The following NFE2L2 variants were observed in gnomAD, a reference collection of about 807,000 sequenced individuals.
The protein encoded by NFE2L2 is nuclear factor erythroid 2-related factor 2.
In NFE2L2, 20 loss-of-function variants were observed where a neutral mutation model predicts 49.6. That is an observed-to-expected ratio of 0.40 (90% CI 0.28 to 0.59). The LOEUF is 0.59. NFE2L2 is among the 20% of genes least tolerant of loss of function. NFE2L2 has a pLI of 0.40. For synonymous variants in NFE2L2, 244 were observed against 256.5 expected, an observed-to-expected ratio of 0.95 and a Z score of 0.47; for missense variants, 578 against 714.2, an observed-to-expected ratio of 0.81 and a Z score of 2.17.
At position 177,231,831 on chromosome 2, in the gene NFE2L2, G is replaced by C. The variant is rs1253249313; in HGVS notation, c.772C>G (p.Leu258Val). 1 of 1,614,170 alleles carries C rather than the reference G, an allele frequency of 6.2e-7. No individual in the cohort carries two copies. The highest frequency in any genetic ancestry group is 1.1e-5 in the South Asian group (1 of 91,080). Residue 258 changes from leucine (L) to valine (V), a missense_variant, in exon 5 of 5, where the codon CTC becomes GTC. By Grantham distance (32) the Leu-to-Val change is conservative (BLOSUM62 1). Around this residue, in one of 3 missense-constraint regions of NFE2L2, gnomAD observed 368 missense variants for 384.6 expected, o/e 0.96. Coordinates refer to ENST00000397062, the MANE Select transcript of NFE2L2 (RefSeq NM_006164.5). ...AACTGGTTGGGGTCTTCTGTGGAGA[G>C]GATGCTGCTGAAGGAATCCTCAAAA... ...NAFEDSFSSI[L>V]STEDPNQLTV...
chr2:177,262,801 T>C (rs1690786953), intron 1 of NFE2L2, among the ~76,000 whole-genome samples: 2 of 152,336 alleles, frequency 1.3e-5, no homozygotes, highest in East Asian at 1.9e-4. Context: ...TTTTATCATA[T>C]ATCCTTCAGT....
chr2:177,255,521 C>A (rs559867294), intron 1 of NFE2L2, among the ~76,000 whole-genome samples: 2 of 152,282 alleles, frequency 1.3e-5, no homozygotes, highest in African/African-American at 4.8e-5. Context: ...CTGCAGCTGA[C>A]ACAAAGTAAA....
chr2:177,263,178 T>G (rs530743078), intron 1 of NFE2L2, among the ~76,000 whole-genome samples: 2 of 152,388 alleles, frequency 1.3e-5, no homozygotes, highest in South Asian at 4.1e-4. Context: ...AGAAACTTCT[T>G]TTCACTTTTA....
intron 1 of NFE2L2, chr2:177,263,511 C>G: frequency 1.0e-6 from 1 of 985,532 alleles, no homozygotes; most frequent in Non-Finnish European, 1.2e-6. Flanking sequence ...AATTGCGCAA[C>G]AGATCAACAG....
intron 1 of NFE2L2, among the ~76,000 whole-genome samples, chr2:177,249,623 A>G (rs1690262116): frequency 6.6e-6 from 1 of 152,216 alleles, no homozygotes; most frequent in Non-Finnish European, 1.5e-5. Context: ...ACAAAAAAAT[A>G]AACAAGTGAA....
chr2:177,257,668 G>A (rs1690575720), intron 1 of NFE2L2, among the ~76,000 whole-genome samples: 1 of 152,216 alleles, frequency 6.6e-6, no homozygotes, highest in Admixed American at 6.5e-5. Flanking sequence ...TGGCTGCGGA[G>A]GGGTCAGTGG....
chr2:177,246,066 A>G (rs1307927731), intron 1 of NFE2L2, among the ~76,000 whole-genome samples: 1 of 152,196 alleles, frequency 6.6e-6, no homozygotes, highest in Non-Finnish European at 1.5e-5. Flanking sequence ...TGTTCACACC[A>G]CAACAGACAC....
chr2:177,233,699 T>C (rs1265326510), intron 2 of NFE2L2: 3 of 521,774 alleles, frequency 5.7e-6, no homozygotes, highest in African/African-American at 3.8e-5. Flanking sequence ...TCCCTGCTAC[T>C]TGGTTCTCCT....
chr2:177,230,548 AC>A lies in NFE2L2; in HGVS notation c.*236del, dbSNP rs1357767130. Reference sequence around the variant, plus strand: ...ATAAGTTTTTGTAGTATTTACACTTACACAGAAACTAGCCCAAATGGTGTCC... The same window carrying A: ...ATAAGTTTTTGTAGTATTTACACTTAACAGAAACTAGCCCAAATGGTGTCC... On this transcript the variant is annotated 3_prime_UTR_variant, in exon 5 of 5. Coordinates refer to ENST00000397062, the MANE Select transcript of NFE2L2 (RefSeq NM_006164.5). 4.6e-6 allele frequency: 2 copies of A among 439,130 alleles called. No homozygotes were observed. The highest frequency in any genetic ancestry group is 7.9e-6 in the Non-Finnish European group (2 of 252,586). The allele number at this position is 439,130 out of a possible 1,614,324, so 27.2% of individuals were successfully genotyped here.
intron 1 of NFE2L2, 117 bp downstream of exon 1, chr2:177,264,415 T>C: frequency 9.0e-7 from 1 of 1,117,154 alleles, no homozygotes; most frequent in African/African-American, 1.6e-5. Context: ...GCCGCGGTCC[T>C]GGCTCTGGCC....
chr2:177,232,054 T>C (rs1215998956), intron 4 of NFE2L2, 46 bp from the exon 5 acceptor site: 2 of 1,498,190 alleles, frequency 1.3e-6, no homozygotes, highest in Admixed American at 2.2e-5. Context: ...AGTTAATCCA[T>C]GATAATACGT....
intron 1 of NFE2L2, among the ~76,000 whole-genome samples, chr2:177,249,219 T>G (rs1690247019): frequency 1.5e-5 from 2 of 132,848 alleles, no homozygotes; most frequent in South Asian, 4.4e-4. Flanking sequence ...CCGGTCTCCA[T>G]AAATAAATAA....
chr2:177,258,893 T>C (rs1008148128), intron 1 of NFE2L2, among the ~76,000 whole-genome samples: 1 of 152,238 alleles, frequency 6.6e-6, no homozygotes, highest in Non-Finnish European at 1.5e-5. Flanking sequence ...AAAGTCTCAG[T>C]TCTCACCTTA....
chr2:177,230,468 T>A lies in NFE2L2; in HGVS notation c.*317A>T, dbSNP rs1689499293. 1 of 261,726 alleles carries A rather than the reference T, an allele frequency of 3.8e-6. No homozygotes were observed. Among genetic ancestry groups the A allele is most frequent in the East Asian group, 5.7e-5 (1 of 17,428 alleles). 16.2% of individuals were successfully genotyped at this position (261,726 alleles called of 1,614,324 possible). On this transcript the variant is annotated 3_prime_UTR_variant, in exon 5 of 5. Transcript: ENST00000397062. ...TTGCAATAATTTCTTTTTAGCCAGA[T>A]GTCATATCATCATATAAATCTATGA...
intron 1 of NFE2L2, among the ~76,000 whole-genome samples, chr2:177,260,955 G>A (rs1294825464): frequency 6.6e-6 from 1 of 152,054 alleles, no homozygotes; most frequent in African/African-American, 2.4e-5. Flanking sequence ...TGGATCACCT[G>A]AGGTCAGGAG....
chr2:177,252,020 G>C (rs1486212777), intron 1 of NFE2L2, among the ~76,000 whole-genome samples: 2 of 147,126 alleles, frequency 1.4e-5, no homozygotes, highest in Non-Finnish European at 3.0e-5. Flanking sequence ...AAAAAAAAGG[G>C]ATTTTTTTCA....
chr2:177,241,416 G>GT (rs1419850865), intron 1 of NFE2L2, among the ~76,000 whole-genome samples: 1 of 152,068 alleles, frequency 6.6e-6, no homozygotes, highest in African/African-American at 2.4e-5. Context: ...CTGGTTCAAT[G>GT]TTTTTTTCCA....
chr2:177,264,389 G>C, intron 1 of NFE2L2, 143 bp downstream of exon 1: 1 of 773,292 alleles, frequency 1.3e-6, no homozygotes, highest in Non-Finnish European at 1.9e-6. Flanking sequence ...GCGCAAGCGC[G>C]GCGGCTCTAC....
chr2:177,263,894 G>A, intron 1 of NFE2L2: 11 of 985,546 alleles, frequency 1.1e-5, no homozygotes, highest in Non-Finnish European at 1.1e-5. Context: ...GGGCTTTCAA[G>A]AGAGCTCAAG....
Sources: allele counts gnomAD v4.1 joint callset (sites outside exome capture counted in the v4.1 genomes callset), GRCh38; gene constraint gnomAD v4.1.1; regional missense constraint gnomAD v4.1.1; transcripts MANE v1.5; gene names NCBI Gene and HGNC (gene_info 2026-07-23, HGNC 2026-07-21).